SCOC: variants seen among roughly 807,000 people sequenced by gnomAD.
SCOC encodes the protein short coiled coil protein.
A neutral mutation model predicts 9.9 loss-of-function variants in SCOC; 7 were observed. The ratio of observed to expected loss-of-function variants is 0.71; its 90% CI spans 0.40 to 1.33. The LOEUF is 1.33. Among genes scored for constraint, SCOC ranks in the 40% most tolerant of loss-of-function variants. SCOC has a pLI of 0.01. For missense variants in SCOC, 66 were observed against 89.7 expected (o/e 0.74, Z 1.07); for synonymous variants, 19 against 28.2 (o/e 0.67, Z 1.03).
chr4:140,316,877 CT>C (rs932477239), intron 1 of SCOC, among the ~76,000 whole-genome samples: 83 of 152,264 alleles, frequency 5.5e-4, no homozygotes, highest in African/African-American at 1.9e-3. Flanking sequence ...AATACTAAAT[CT>C]CTTTATTTTC....
intron 2 of SCOC, among the ~76,000 whole-genome samples, chr4:140,350,400 G>A (rs992911498): frequency 1.3e-5 from 2 of 152,358 alleles, no homozygotes; most frequent in African/African-American, 4.8e-5. Context: ...ATTTGTGTGT[G>A]TTGGGATAAG....
intron 2 of SCOC, among the ~76,000 whole-genome samples, chr4:140,368,256 C>T (rs1280374833): frequency 1.2e-4 from 19 of 152,162 alleles, no homozygotes; most frequent in Admixed American, 1.2e-3. Context: ...CAATCATATA[C>T]CTACATCATA....
chr4:140,337,950 A>T (rs1236840039), intron 1 of SCOC, among the ~76,000 whole-genome samples: 1 of 152,188 alleles, frequency 6.6e-6, no homozygotes, highest in Non-Finnish European at 1.5e-5. Context: ...TCATTTTATG[A>T]GGCCAGCATC....
intron 1 of SCOC, among the ~76,000 whole-genome samples, chr4:140,337,182 G>A (rs1732981279): frequency 6.6e-6 from 1 of 152,072 alleles, no homozygotes; most frequent in South Asian, 2.1e-4. Flanking sequence ...TTCCCATTCT[G>A]TACATTGGCT....
chr4:140,257,334 G>A (rs1388422373), exon 1 of SCOC: 1 of 152,130 alleles, frequency 6.6e-6, no homozygotes, highest in Non-Finnish European at 1.5e-5. Context: ...TCTTGCCTAT[G>A]ATAGGAACGA....
At chr4:140,329,993 T>TA (rs1732764882) in intron 1 of SCOC, among the ~76,000 whole-genome samples, 1 of 152,160 alleles carries the variant, frequency 6.6e-6, no homozygotes, top group South Asian at 2.1e-4. Context: ...ACAAAGATAA[T>TA]ACTTGCACAC....
At chr4:140,298,542 T>C (rs1163434560) in intron 1 of SCOC, among the ~76,000 whole-genome samples, 2 of 152,190 alleles carry the variant, frequency 1.3e-5, no homozygotes, top group Non-Finnish European at 2.9e-5. Flanking sequence ...CCCATGCCCG[T>C]GCCAGGCTAA....
chr4:140,363,806 A>T (rs1279226036), intron 2 of SCOC, among the ~76,000 whole-genome samples: 1 of 152,186 alleles, frequency 6.6e-6, no homozygotes. Context: ...GTAAAAAGTA[A>T]TCTCTTGTGG....
rs1182895283 is a variant in SCOC, at chr4:140,296,186, C to T, written c.-19+38776C>T. ...TGAATCATTATCTGGTTGTGACAGG[C>T]GCATCACAGAGGGGTCTTCACAGCC... On this transcript the variant is annotated intron_variant, in intron 1 of 4. Transcript: ENST00000394205. Among the ~76,000 whole-genome samples the T allele has an allele frequency of 4.6e-5, 7 of 152,122 alleles. No homozygotes were observed. The East Asian group carries it at 9.7e-4, about 21-fold the overall frequency.
At chr4:140,319,916 G>T (rs1310536841) in intron 1 of SCOC, among the ~76,000 whole-genome samples, 1 of 152,160 alleles carries the variant, frequency 6.6e-6, no homozygotes, top group Non-Finnish European at 1.5e-5. Flanking sequence ...ACTGCCAAAT[G>T]CATAAAAAAC....
chr4:140,350,553 G>C (rs1469527244), intron 2 of SCOC, among the ~76,000 whole-genome samples: 10 of 152,134 alleles, frequency 6.6e-5, no homozygotes, highest in African/African-American at 2.4e-4. Context: ...TCTGTTTTCA[G>C]AACGCATTTA....
At chr4:140,310,805 C>G (rs1302666315) in intron 1 of SCOC, among the ~76,000 whole-genome samples, 1 of 152,180 alleles carries the variant, frequency 6.6e-6, no homozygotes, top group Non-Finnish European at 1.5e-5. Flanking sequence ...TTTTGCCCAC[C>G]TCCTGTCTTG....
At chr4:140,262,797 C>T (rs1385904537) in intron 1 of SCOC, among the ~76,000 whole-genome samples, 5 of 151,172 alleles carry the variant, frequency 3.3e-5, no homozygotes, top group Non-Finnish European at 7.4e-5. Flanking sequence ...GAAGCAAGAA[C>T]CTCTTACATG....
At chr4:140,336,819 G>C (rs1197832067) in intron 1 of SCOC, among the ~76,000 whole-genome samples, 1 of 152,108 alleles carries the variant, frequency 6.6e-6, no homozygotes, top group Non-Finnish European at 1.5e-5. Context: ...TTTCCACAGT[G>C]GCCACATCAT....
At chr4:140,356,519 C>T (rs960272434) in intron 2 of SCOC, among the ~76,000 whole-genome samples, 1 of 152,224 alleles carries the variant, frequency 6.6e-6, no homozygotes, top group Non-Finnish European at 1.5e-5. Flanking sequence ...CTCCTTCAAT[C>T]TGGAACAGTT....
intron 1 of SCOC, among the ~76,000 whole-genome samples, chr4:140,294,930 C>A (rs1296937640): frequency 6.6e-6 from 1 of 152,140 alleles, no homozygotes; most frequent in Non-Finnish European, 1.5e-5. Flanking sequence ...TGATTTGAGG[C>A]TTTACACATT....
intron 1 of SCOC, among the ~76,000 whole-genome samples, chr4:140,329,523 G>A (rs1732746383): frequency 6.6e-6 from 1 of 152,158 alleles, no homozygotes; most frequent in Admixed American, 6.6e-5. Flanking sequence ...AATCCTTAGA[G>A]TGGGAGAAAA....
At chr4:140,286,815 T>C (rs1207983976) in intron 1 of SCOC, among the ~76,000 whole-genome samples, 1 of 152,106 alleles carries the variant, frequency 6.6e-6, no homozygotes, top group Non-Finnish European at 1.5e-5. Context: ...ACTTGGGAAA[T>C]TGACTCTCAT....
rs946415782 is a variant in SCOC at position 140,384,499 on chromosome 4, C to T, written c.*3395C>T. On this transcript the variant is annotated 3_prime_UTR_variant, in exon 4 of 4. Coordinates refer to ENST00000608372, the MANE Select transcript of SCOC (RefSeq NM_001153484.2). ...CAATAACTGATGATCGTCAACCTGG[C>T]CTGTCTTTGGCAAGAATCACCCTAC... is the stretch of plus-strand genomic sequence containing the variant. The T allele has an allele frequency of 6.6e-6, 1 of 152,276 alleles. No individual in the cohort carries two copies. Among genetic ancestry groups the T allele is most frequent in the African/African-American group, 2.4e-5 (1 of 41,558 alleles). The allele number at this position is 152,276 out of a possible 1,614,324, so 9.4% of individuals were successfully genotyped here. A position where few individuals can be genotyped will look rare whatever the true frequency, so the allele number is the denominator to read the frequency against.
Sources: gnomAD v4.1 joint callset for allele counts (sites outside exome capture counted in the v4.1 genomes callset) on GRCh38, gnomAD v4.1.1 for gene constraint, MANE v1.5 for transcripts, NCBI Gene and HGNC (gene_info 2026-07-23, HGNC 2026-07-21) for gene names.